B3GNT2: variants seen among roughly 807,000 people sequenced by gnomAD.
The protein encoded by B3GNT2 is UDP-GlcNAc:betaGal beta-1,3-N-acetylglucosaminyltransferase 2.
Under a neutral mutation model 27.6 loss-of-function variants are expected in B3GNT2, and 12 were observed. That is an observed-to-expected ratio of 0.44 (90% CI 0.28 to 0.71). The LOEUF is 0.71. Among genes scored for constraint, B3GNT2 ranks in the 30% least tolerant of loss-of-function variants. The probability of loss-of-function intolerance (pLI) is 0.17; values close to 1 mark genes in which losing one functional copy is unlikely to be tolerated. For synonymous variants in B3GNT2, 192 were observed against 189.7 expected (o/e 1.01, Z -0.10); for missense variants, 413 against 488.5 (o/e 0.85, Z 1.46).
rs1674774180 is a variant in B3GNT2 at position 62,223,907 on chromosome 2, A to G, written c.*493A>G. ...AATTTTAAATTGTCTAGAAAACTGAAATTTCAGTTGTCAGTTGTGGAATTC... is the reference window on the plus strand; with the variant it reads ...AATTTTAAATTGTCTAGAAAACTGAGATTTCAGTTGTCAGTTGTGGAATTC... On this transcript the variant is annotated 3_prime_UTR_variant, in exon 2 of 2. Transcript: ENST00000301998. The G allele has an allele frequency of 6.0e-6, 1 of 167,254 alleles. No individual in the cohort carries two copies. The highest frequency in any genetic ancestry group is 2.4e-5 in the African/African-American group (1 of 41,434). 10.4% of individuals were successfully genotyped at this position (167,254 alleles called of 1,614,324 possible).
intron 1 of B3GNT2, among the ~76,000 whole-genome samples, chr2:62,208,197 A>C (rs942065619): frequency 8.6e-5 from 13 of 151,480 alleles, no homozygotes; most frequent in African/African-American, 3.2e-4. Context: ...CAGACAACAG[A>C]TTCCTCCTTC....
intron 1 of B3GNT2, among the ~76,000 whole-genome samples, chr2:62,199,919 T>C (rs571744139): frequency 6.6e-6 from 1 of 152,364 alleles, no homozygotes; most frequent in East Asian, 1.9e-4. Flanking sequence ...GGAGAATTGA[T>C]GTAATGATTT....
At chr2:62,207,825 T>C (rs1370257677) in intron 1 of B3GNT2, among the ~76,000 whole-genome samples, 1 of 152,190 alleles carries the variant, frequency 6.6e-6, no homozygotes, top group East Asian at 1.9e-4. Context: ...CATGGACCGC[T>C]AGGGGTCCAT....
intron 1 of B3GNT2, among the ~76,000 whole-genome samples, chr2:62,211,956 G>A (rs1055288961): frequency 1.1e-4 from 17 of 152,138 alleles, no homozygotes; most frequent in African/African-American, 3.9e-4. Flanking sequence ...TTTTATACCC[G>A]CTTTTCCCCA....
intron 1 of B3GNT2, chr2:62,215,634 C>T (rs955321071): frequency 2.0e-5 from 3 of 152,310 alleles, no homozygotes; most frequent in Admixed American, 6.5e-5. Flanking sequence ...TTAGGTAAAC[C>T]ACTCTTGCCA....
At chr2:62,220,292 A>G (rs1674664755) in intron 1 of B3GNT2, among the ~76,000 whole-genome samples, 1 of 152,246 alleles carries the variant, frequency 6.6e-6, no homozygotes, top group African/African-American at 2.4e-5. Flanking sequence ...CGCAAGATGG[A>G]GTCAGCCATG....
chr2:62,210,648 C>T (rs1215275723), intron 1 of B3GNT2, among the ~76,000 whole-genome samples: 1 of 151,738 alleles, frequency 6.6e-6, no homozygotes. Flanking sequence ...TGGGCGCCTA[C>T]AGTCCCAGCT....
intron 1 of B3GNT2, among the ~76,000 whole-genome samples, chr2:62,208,228 C>T (rs1426342172): frequency 8.4e-6 from 1 of 119,474 alleles, no homozygotes; most frequent in African/African-American, 3.1e-5. Context: ...TCCTTTCCCC[C>T]TTCCTTCCCC....
intron 1 of B3GNT2, among the ~76,000 whole-genome samples, chr2:62,208,468 C>G (rs991753050): frequency 3.9e-5 from 6 of 152,072 alleles, no homozygotes. Flanking sequence ...GTATTTGTTT[C>G]CTGAGTCATG....
chr2:62,207,359 A>AT (rs1674396100), intron 1 of B3GNT2, among the ~76,000 whole-genome samples: 1 of 152,036 alleles, frequency 6.6e-6, no homozygotes, highest in Admixed American at 6.6e-5. Flanking sequence ...TAATTTTTGT[A>AT]TTTTTTGCAG....
Position 62,222,380 on chromosome 2 carries a change from C to A in B3GNT2, c.160C>A (p.Pro54Thr), listed in dbSNP as rs1215255998. Residue 54 changes from proline to threonine, a missense_variant, in exon 2 of 2, where the codon CCT (proline) becomes ACT (threonine). Pro to Thr is a conservative substitution (Grantham distance 38, BLOSUM62 -1). Transcript: ENST00000301998. The surrounding 1 kb of genome is among the most constrained non-coding windows in gnomAD (Gnocchi z 4.2). The part of the protein sequence containing the change: ...PKEKFWKIST[P>T]PEAYWNREQE... ...AGAGAAGTTCTGGAAGATATCTACC[C>A]CTCCCGAGGCATACTGGAACCGAGA... 1 of 1,613,900 alleles carries A rather than the reference C, an allele frequency of 6.2e-7. No individual in the cohort carries two copies. The highest frequency in any genetic ancestry group is 2.2e-5 in the East Asian group (1 of 44,898).
intron 1 of B3GNT2, among the ~76,000 whole-genome samples, chr2:62,216,717 T>C (rs940579535): frequency 1.2e-4 from 18 of 152,154 alleles, no homozygotes; most frequent in Non-Finnish European, 2.4e-4. Context: ...AGCTTCCGAT[T>C]AATAGAACGG....
chr2:62,219,214 C>T (rs1035561456), intron 1 of B3GNT2, among the ~76,000 whole-genome samples: 3 of 152,076 alleles, frequency 2.0e-5, no homozygotes, highest in African/African-American at 7.2e-5. Flanking sequence ...TTTTTTCTTC[C>T]CTAAGCTGTC....
Position 62,223,234 on chromosome 2 carries a change from G to A in B3GNT2, c.1014G>A (p.Met338Ile). Residue 338 changes from methionine (M) to isoleucine (I), a missense_variant, in exon 2 of 2, where the codon ATG becomes ATA. Transcript: ENST00000301998. ...LYPIDDVYTG[M>I]CLQKLGLVPE... Reference sequence around the variant, plus strand: ...CCATTGATGACGTTTATACTGGAATGTGCCTTCAGAAACTCGGCCTCGTTC... The same window carrying A: ...CCATTGATGACGTTTATACTGGAATATGCCTTCAGAAACTCGGCCTCGTTC... 1 of 1,614,200 alleles carries A rather than the reference G, an allele frequency of 6.2e-7. No individual in the cohort carries two copies. Among genetic ancestry groups the A allele is most frequent in the Non-Finnish European group, 8.5e-7 (1 of 1,180,042 alleles).
At chr2:62,206,201 A>G (rs1674371422) in intron 1 of B3GNT2, among the ~76,000 whole-genome samples, 1 of 152,098 alleles carries the variant, frequency 6.6e-6, no homozygotes, top group African/African-American at 2.4e-5. Flanking sequence ...ATCAGCTTGG[A>G]CGTGCTCAGC....
chr2:62,209,006 G>T (rs576640770), intron 1 of B3GNT2, among the ~76,000 whole-genome samples: 1 of 152,228 alleles, frequency 6.6e-6, no homozygotes, highest in Admixed American at 6.5e-5. Context: ...TTTGGTTGTT[G>T]TTGTTGCAGT....
At chr2:62,220,715 T>G (rs1674674958) in intron 1 of B3GNT2, among the ~76,000 whole-genome samples, 1 of 151,880 alleles carries the variant, frequency 6.6e-6, no homozygotes, top group Admixed American at 6.5e-5. Flanking sequence ...TAATAGTACC[T>G]AAGGATAAAT....
chr2:62,213,809 T>C (rs973546518), intron 1 of B3GNT2, among the ~76,000 whole-genome samples: 10 of 152,248 alleles, frequency 6.6e-5, no homozygotes, highest in South Asian at 2.1e-4. Context: ...GATTTTTCCA[T>C]TGTCATCTCT....
At chr2:62,221,513 TA>T (rs1050986672) in intron 1 of B3GNT2, among the ~76,000 whole-genome samples, 1 of 151,662 alleles carries the variant, frequency 6.6e-6, no homozygotes, top group Non-Finnish European at 1.5e-5. Flanking sequence ...GGACTAACAT[TA>T]AAAAAAAGAG....
Sources: gnomAD v4.1 joint callset for allele counts (sites outside exome capture counted in the v4.1 genomes callset) on GRCh38, gnomAD v4.1.1 for gene constraint, Gnocchi (gnomAD v3.1) non-coding constraint, MANE v1.5 for transcripts, NCBI Gene and HGNC (gene_info 2026-07-23, HGNC 2026-07-21) for gene names.